CNOT1: variants seen among roughly 807,000 people sequenced by gnomAD.
CNOT1 encodes CCR4-NOT transcription complex subunit 1.
Under a neutral mutation model 273.8 loss-of-function variants are expected in CNOT1, and 15 were observed. The ratio of observed to expected loss-of-function variants is 0.05; its 90% CI spans 0.04 to 0.08. CNOT1 has a LOEUF of 0.08. Ranked by LOEUF, CNOT1 falls within the 10% of genes least tolerant of loss-of-function variation. The pLI is 1.00. For missense variants in CNOT1, 1,644 were observed against 2,912.2 expected, an observed-to-expected ratio of 0.56 and a Z score of 10.02; for synonymous variants, 1,022 against 1,005.5, an observed-to-expected ratio of 1.02 and a Z score of -0.31.
chr16:58,609,621 C>G (rs1249347682), intron 1 of CNOT1, among the ~76,000 whole-genome samples: 2 of 151,894 alleles, frequency 1.3e-5, no homozygotes, highest in African/African-American at 4.8e-5. Context: ...TGCCACCATG[C>G]CTGGCTACTT....
chr16:58,626,658 G>A (rs1159397643), intron 1 of CNOT1, among the ~76,000 whole-genome samples: 2 of 151,716 alleles, frequency 1.3e-5, no homozygotes, highest in African/African-American at 2.4e-5. Flanking sequence ...TACTTGGGAG[G>A]CTGGGGCAGG....
chr16:58,589,828 T>C (rs1431645136), intron 2 of CNOT1, among the ~76,000 whole-genome samples: 2 of 152,202 alleles, frequency 1.3e-5, no homozygotes, highest in Non-Finnish European at 2.9e-5. Context: ...CCCATGTTTG[T>C]TTCTATTTGT....
rs1330760206 is a variant in CNOT1 at position 58,587,895 on chromosome 16, T to C, written c.211-17A>G. 1.2e-6 allele frequency: 2 copies of C among 1,605,018 alleles called. No homozygotes were observed. The highest frequency in any genetic ancestry group is 3.4e-5 in the Admixed American group (2 of 59,474). The stretch of plus-strand genomic sequence containing the variant: ...AAACTGAGTCTTTAAAAATAAAAAA[T>C]GATTTTCATTAGCACTAATCATCAT... On this transcript the variant is annotated splice_polypyrimidine_tract_variant and intron_variant, in intron 3 of 48. Coordinates refer to ENST00000317147, the MANE Select transcript of CNOT1 (RefSeq NM_016284.5).
chr16:58,599,645 G>C, intron 1 of CNOT1, 134 bp from the exon 2 acceptor site: 1 of 440,966 alleles, frequency 2.3e-6, no homozygotes. Context: ...AGAGAATAGG[G>C]TTAAACTACC....
Position 58,581,441 on chromosome 16 carries a change from T to C in CNOT1, c.1119A>G (p.Gly373=). Residue 373 remains glycine (G), a synonymous_variant, in exon 11 of 49, where the codon GGA becomes GGG. Transcript: ENST00000317147. ...HPGFQIRDSK[G]LHNVVYGIQR... is the part of the protein sequence containing the mutation. Reference sequence around the variant, plus strand: ...GAATGCCATAAACCACATTATGAAGTCCTTTACTGTCACGAATTTGAAATC... The same window carrying C: ...GAATGCCATAAACCACATTATGAAGCCCTTTACTGTCACGAATTTGAAATC... 6.2e-7 allele frequency: 1 copy of C among 1,614,046 alleles called. No individual in the cohort carries two copies. Among genetic ancestry groups the C allele is most frequent in the African/African-American group, 1.3e-5 (1 of 75,030 alleles).
chr16:58,628,007 T>C (rs1027669561), intron 1 of CNOT1, among the ~76,000 whole-genome samples: 3 of 152,166 alleles, frequency 2.0e-5, no homozygotes, highest in Non-Finnish European at 2.9e-5. Context: ...TTTGTATTTT[T>C]AGTAGAGACG....
chr16:58,553,159 C>CTCAGGCTGCGA (rs1302080511), intron 22 of CNOT1, among the ~76,000 whole-genome samples: 2 of 151,988 alleles, frequency 1.3e-5, no homozygotes, highest in Non-Finnish European at 2.9e-5. Flanking sequence ...GTAATCGCAG[C>CTCAGGCTGCGA]TACTCAGGAA....
chr16:58,575,351 C>G (rs2041420759), intron 14 of CNOT1, among the ~76,000 whole-genome samples: 1 of 152,112 alleles, frequency 6.6e-6, no homozygotes, highest in South Asian at 2.1e-4. Flanking sequence ...ACACTACCTT[C>G]CAAACAAACT....
chr16:58,558,538 G>T lies in CNOT1; in HGVS notation c.2267C>A (p.Pro756His). The change falls in exon 18 of 49, where the codon CCC becomes CAC. Residue 756 changes from proline to histidine, a missense_variant. This residue lies in a region of CNOT1 where 706 missense variants were observed against 1,021.2 expected (regional missense o/e 0.69). Coordinates refer to ENST00000317147, the MANE Select transcript of CNOT1 (RefSeq NM_016284.5). ...AGTGGTCTGATTGGGGGTTGAAAGG[G>T]GTGGAAATGCTTTTGCTGGTGACTG... ...TPQSPAKAFP[P>H]LSTPNQTTAF... 6.2e-7 allele frequency: 1 copy of T among 1,613,722 alleles called. No homozygotes were observed. Among genetic ancestry groups the T allele is most frequent in the Non-Finnish European group, 8.5e-7 (1 of 1,179,868 alleles).
intron 34 of CNOT1, among the ~76,000 whole-genome samples, chr16:58,540,259 G>A (rs2040049842): frequency 6.6e-6 from 1 of 152,102 alleles, no homozygotes; most frequent in African/African-American, 2.4e-5. Context: ...CAGACTGAGG[G>A]CAGCACCACT....
intron 1 of CNOT1, among the ~76,000 whole-genome samples, chr16:58,606,712 G>C (rs1460668911): frequency 2.0e-5 from 3 of 151,854 alleles, no homozygotes; most frequent in Non-Finnish European, 4.4e-5. Flanking sequence ...CTGAGGCAGG[G>C]AGAATCGCTT....
intron 18 of CNOT1, 44 bp from the exon 19 acceptor site, chr16:58,557,037 T>C (rs2040654364): frequency 6.3e-7 from 1 of 1,598,550 alleles, no homozygotes; most frequent in East Asian, 2.2e-5. Flanking sequence ...ATTATTCATA[T>C]TCTTGATTTT....
At chr16:58,602,562 A>AAAC (rs556143128) in intron 1 of CNOT1, among the ~76,000 whole-genome samples, 4 of 129,036 alleles carry the variant, frequency 3.1e-5, no homozygotes, top group Admixed American at 9.7e-5. Context: ...CCAAAAAAAA[A>AAAC]AAAAAAAAAA....
chr16:58,597,428 T>C (rs11866656), intron 2 of CNOT1, among the ~76,000 whole-genome samples: 49,221 of 151,476 alleles, frequency 0.32, 9,461 homozygotes, highest in East Asian at 0.57. Flanking sequence ...TGAGCTGAGA[T>C]CGCGCCACGG....
intron 1 of CNOT1, among the ~76,000 whole-genome samples, chr16:58,607,993 A>G (rs12149484): frequency 0.75 from 114,054 of 151,566 alleles, 43,327 homozygotes; most frequent in Middle Eastern, 0.86. Flanking sequence ...CCAACATAGT[A>G]AAACCCTGTC....
At chr16:58,540,393 G>C (rs1470022219) in intron 34 of CNOT1, among the ~76,000 whole-genome samples, 3 of 152,200 alleles carry the variant, frequency 2.0e-5, no homozygotes, top group African/African-American at 7.2e-5. Flanking sequence ...TTACTTCTGA[G>C]CTATTCCTAT....
chr16:58,521,885 AG>A (rs1380304303), intron 47 of CNOT1, among the ~76,000 whole-genome samples: 3 of 152,172 alleles, frequency 2.0e-5, no homozygotes, highest in East Asian at 3.8e-4. Context: ...CAGTAGGTGG[AG>A]GTTGTGGTGA....
At chr16:58,599,069 AAG>A in intron 2 of CNOT1, 165 bp downstream of exon 2, 5 of 787,380 alleles carry the variant, frequency 6.4e-6, no homozygotes, top group South Asian at 3.9e-5. Context: ...AAAAAAAAAA[AAG>A]ATTGGGCTAA....
intron 35 of CNOT1, among the ~76,000 whole-genome samples, chr16:58,539,319 C>T (rs955049895): frequency 6.6e-6 from 1 of 151,982 alleles, no homozygotes. Context: ...CAAAGCAAGA[C>T]CTGTCTCTAC....
Sources: allele counts gnomAD v4.1 joint callset (sites outside exome capture counted in the v4.1 genomes callset), GRCh38; gene constraint gnomAD v4.1.1; regional missense constraint gnomAD v4.1.1; transcripts MANE v1.5; gene names NCBI Gene and HGNC (gene_info 2026-07-23, HGNC 2026-07-21).